Variants in ASAP1 observed in about 807,000 individuals in gnomAD.
ASAP1 encodes ArfGAP with SH3 domain, ankyrin repeat and PH domain 1, also known as arf-GAP with SH3 domain, ANK repeat and PH domain-containing protein 1.
ASAP1 carries 43 observed loss-of-function variants against 145.2 expected under a neutral mutation model. That is an observed-to-expected ratio of 0.30 (90% CI 0.23 to 0.38). ASAP1 has a LOEUF of 0.38. Among genes scored for constraint, ASAP1 ranks in the 10% least tolerant of loss-of-function variants. The pLI, the probability that ASAP1 is intolerant of heterozygous loss-of-function variation, is 1.00. For synonymous variants in ASAP1, 546 were observed against 515.5 expected (o/e 1.06, Z -0.80); for missense variants, 1,018 against 1,355.3 (o/e 0.75, Z 3.91).
chr8:130,278,676 T>G (rs971754411), intron 3 of ASAP1, among the ~76,000 whole-genome samples: 28 of 152,282 alleles, frequency 1.8e-4, no homozygotes, highest in African/African-American at 6.3e-4. Flanking sequence ...CGAAAAAAAC[T>G]CTAATTAATT....
intron 2 of ASAP1, among the ~76,000 whole-genome samples, chr8:130,385,800 G>GGGT (rs1455215366): frequency 3.3e-5 from 5 of 152,158 alleles, no homozygotes; most frequent in South Asian, 2.1e-4. Flanking sequence ...TTGGTTAGAG[G>GGGT]GGTGGGCATT....
In ASAP1 at chr8:130,064,893, A is replaced by G. The variant is rs865826475; in HGVS notation, c.2702-3824T>C. On this transcript the variant is annotated intron_variant, in intron 27 of 29. Transcript: ENST00000518721. ...ACCTAAGTTTATCAGTTTACTAAGA[A>G]TGTGTGTGTGTGTGTGTGTGTGTGT... Among the ~76,000 whole-genome samples, 193 of 142,658 alleles carry G rather than the reference A, an allele frequency of 1.4e-3. 1 individual carries two copies. The highest frequency in any genetic ancestry group is 4.2e-3 in the African/African-American group (159 of 37,842). 93.6% of individuals were successfully genotyped at this position (142,658 alleles called of 152,430 possible). A position where few individuals can be genotyped will look rare whatever the true frequency, so the allele number is the denominator to read the frequency against.
chr8:130,400,614 G>A (rs748351650), intron 2 of ASAP1, among the ~76,000 whole-genome samples: 5 of 135,384 alleles, frequency 3.7e-5, no homozygotes, highest in Non-Finnish European at 6.3e-5. Flanking sequence ...GGTGAAACCC[G>A]TCTCTACTAA....
rs1211774626 is a variant in ASAP1 at position 130,358,304 on chromosome 8, G to A, written c.60-161C>T. Reference sequence around the variant, plus strand: ...CCGTCCCCGGCAGCGGCGAGAGGGAGGGAAGGAGGCGGGCGAAGGCAGGCG... The same window carrying A: ...CCGTCCCCGGCAGCGGCGAGAGGGAAGGAAGGAGGCGGGCGAAGGCAGGCG... On this transcript the variant is annotated intron_variant, in intron 2 of 29. Coordinates refer to ENST00000518721, the MANE Select transcript of ASAP1 (RefSeq NM_018482.4). The surrounding 1 kb of genome is among the most constrained non-coding windows in gnomAD (Gnocchi z 4.1). Among the ~76,000 whole-genome samples, 6 of 150,040 alleles carry A rather than the reference G, an allele frequency of 4.0e-5. No individual in the cohort carries two copies. The highest frequency in any genetic ancestry group is 1.5e-4 in the African/African-American group (6 of 41,290).
At chr8:130,256,755 A>ATATATATATATATATATATATATATC (rs1819567465) in intron 3 of ASAP1, among the ~76,000 whole-genome samples, 1 of 89,780 alleles carries the variant, frequency 1.1e-5, no homozygotes, top group Non-Finnish European at 2.5e-5. Context: ...ATATATATAT[A>ATATATATATATATATATATATATATC]TATATATATA....
Position 130,192,911 on chromosome 8 carries a change from C to T in ASAP1, c.406-4728G>A, listed in dbSNP as rs922113473. Among the ~76,000 whole-genome samples the T allele has an allele frequency of 4.6e-5, 7 of 152,238 alleles. No homozygotes were observed. In the South Asian group the frequency reaches 1.2e-3, roughly 27 times the overall value. ...GCTATCTATAACTGATGGAAAGTTA[C>T]GTGCCTATCAATAGGGCACTGGCTA... On this transcript the variant is annotated intron_variant, in intron 5 of 29. Coordinates refer to ENST00000518721, the MANE Select transcript of ASAP1 (RefSeq NM_018482.4).
At chr8:130,146,329 C>T (rs189753859) in intron 13 of ASAP1, among the ~76,000 whole-genome samples, 7 of 152,168 alleles carry the variant, frequency 4.6e-5, no homozygotes, top group Admixed American at 3.3e-4. Flanking sequence ...CATATACCTT[C>T]GTATATGCTA....
At chr8:130,263,344 A>G (rs1378390126) in intron 3 of ASAP1, among the ~76,000 whole-genome samples, 2 of 152,190 alleles carry the variant, frequency 1.3e-5, no homozygotes, top group African/African-American at 4.8e-5. Context: ...TGAACTAGAG[A>G]AGAGAATTTG....
chr8:130,255,910 A>T (rs1286228230), intron 3 of ASAP1, among the ~76,000 whole-genome samples: 1 of 152,166 alleles, frequency 6.6e-6, no homozygotes, highest in Non-Finnish European at 1.5e-5. Flanking sequence ...AAAAGGGTCC[A>T]ATGGCTAATA....
chr8:130,175,595 C>A (rs1813895894), intron 9 of ASAP1, among the ~76,000 whole-genome samples: 1 of 152,070 alleles, frequency 6.6e-6, no homozygotes, highest in African/African-American at 2.4e-5. Context: ...TAAATATTTT[C>A]TCCTATTCTG....
At chr8:130,415,480 A>AAAAAC (rs527627505) in intron 1 of ASAP1, among the ~76,000 whole-genome samples, 36 of 152,230 alleles carry the variant, frequency 2.4e-4, no homozygotes, top group Middle Eastern at 3.4e-3. Context: ...TGTCTCTTAA[A>AAAAAC]AAAACAAAAC....
intron 2 of ASAP1, among the ~76,000 whole-genome samples, chr8:130,401,264 GAGA>G (rs1176140384): frequency 6.6e-6 from 1 of 150,636 alleles, no homozygotes; most frequent in East Asian, 2.0e-4. Flanking sequence ...TTTTATTTTT[GAGA>G]AGGAGTCTCA....
chr8:130,244,844 C>T (rs1818750581), intron 3 of ASAP1, among the ~76,000 whole-genome samples: 2 of 152,126 alleles, frequency 1.3e-5, no homozygotes, highest in South Asian at 4.1e-4. Context: ...ACGCCCATGG[C>T]ATTCTATCTG....
At chr8:130,348,067 G>A (rs890493332) in intron 3 of ASAP1, among the ~76,000 whole-genome samples, 26 of 152,142 alleles carry the variant, frequency 1.7e-4, no homozygotes, top group African/African-American at 4.1e-4. Flanking sequence ...CAGAATGTGC[G>A]TCATAATAAC....
At chr8:130,129,740 C>T (rs1444514605) in intron 15 of ASAP1, among the ~76,000 whole-genome samples, 1 of 151,928 alleles carries the variant, frequency 6.6e-6, no homozygotes, top group Non-Finnish European at 1.5e-5. Context: ...GCAAGTCACA[C>T]CTTTGACTCT....
chr8:130,201,335 C>T lies in ASAP1; in HGVS notation c.406-13152G>A, dbSNP rs147512991. Among the ~76,000 whole-genome samples, 745 of 152,280 alleles carry T rather than the reference C, an allele frequency of 4.9e-3. 4 individuals are homozygous for T. Among genetic ancestry groups the T allele is most frequent in the South Asian group, 0.011 (55 of 4,824 alleles). ...AAGGAAAAATGCAAGACAAATTACA[C>T]CATGTGCTAAAGGCACTCGGGACTG... On this transcript the variant is annotated intron_variant, in intron 5 of 29. Transcript: ENST00000518721.
chr8:130,132,249 G>A (rs895745637), intron 15 of ASAP1, among the ~76,000 whole-genome samples: 7 of 152,138 alleles, frequency 4.6e-5, no homozygotes, highest in African/African-American at 1.7e-4. Context: ...AAGACATGAA[G>A]TGCATTTAGC....
chr8:130,275,412 T>C (rs1043579063), intron 3 of ASAP1, among the ~76,000 whole-genome samples: 1 of 152,232 alleles, frequency 6.6e-6, no homozygotes, highest in Non-Finnish European at 1.5e-5. Flanking sequence ...TACTTTCAGA[T>C]GGATGACCCA....
intron 13 of ASAP1, 121 bp from the exon 14 acceptor site, chr8:130,137,159 T>G: frequency 1.2e-6 from 1 of 807,008 alleles, no homozygotes; most frequent in South Asian, 1.5e-5. Flanking sequence ...AAAATACATT[T>G]TCAGCAAAGA....
Sources: allele counts gnomAD v4.1 joint callset (sites outside exome capture counted in the v4.1 genomes callset), GRCh38; gene constraint gnomAD v4.1.1; non-coding constraint Gnocchi (gnomAD v3.1); transcripts MANE v1.5; gene names NCBI Gene and HGNC (gene_info 2026-07-23, HGNC 2026-07-21).